Variants in CPPED1 observed in about 807,000 individuals in gnomAD.
CPPED1 encodes serine/threonine-protein phosphatase CPPED1.
In CPPED1, 28 loss-of-function variants were observed where a neutral mutation model predicts 28.0. The ratio of observed to expected loss-of-function variants is 1.00; its 90% confidence interval spans 0.74 to 1.37. The LOEUF (loss-of-function observed/expected upper bound fraction) is 1.37, where lower values mean the gene tolerates loss of function less well. Ranked by LOEUF, CPPED1 falls within the 40% of genes most tolerant of loss-of-function variation. The probability of loss-of-function intolerance (pLI) is 0.00; values close to 1 mark genes in which losing one functional copy is unlikely to be tolerated. For synonymous variants in CPPED1, 198 were observed against 180.2 expected (o/e 1.10, Z -0.79); for missense variants, 504 against 416.5 (o/e 1.21, Z -1.83).
intron 1 of CPPED1, among the ~76,000 whole-genome samples, chr16:12,788,642 C>A (rs2080578356): frequency 6.6e-6 from 1 of 152,260 alleles, no homozygotes; most frequent in African/African-American, 2.4e-5. Flanking sequence ...AAAGACCCAG[C>A]AACTTCTACC....
At chr16:12,756,045 G>A (rs562586351) in intron 2 of CPPED1, among the ~76,000 whole-genome samples, 2 of 152,016 alleles carry the variant, frequency 1.3e-5, no homozygotes, top group East Asian at 3.9e-4. Context: ...GCAGGAGAAT[G>A]GCGTGAACCC....
At chr16:12,694,992 G>C (rs1374704474) in intron 3 of CPPED1, among the ~76,000 whole-genome samples, 2 of 152,002 alleles carry the variant, frequency 1.3e-5, no homozygotes, top group Non-Finnish European at 2.9e-5. Flanking sequence ...TGGCCAGGCT[G>C]GTCTTGAACT....
intron 2 of CPPED1, among the ~76,000 whole-genome samples, chr16:12,773,489 G>A (rs1426204956): frequency 6.6e-6 from 1 of 152,138 alleles, no homozygotes; most frequent in African/African-American, 2.4e-5. Context: ...TTGGGAGGAC[G>A]AGGCAAGCAG....
intron 3 of CPPED1, among the ~76,000 whole-genome samples, chr16:12,684,902 G>C (rs1016232090): frequency 2.0e-5 from 3 of 152,194 alleles, no homozygotes; most frequent in Non-Finnish European, 4.4e-5. Flanking sequence ...CTATACTTTA[G>C]TAGGTATCCT....
chr16:12,680,605 T>C (rs2079899727), intron 3 of CPPED1, among the ~76,000 whole-genome samples: 1 of 152,088 alleles, frequency 6.6e-6, no homozygotes, highest in African/African-American at 2.4e-5. Flanking sequence ...GAAGGAGTCT[T>C]GTCTGCACAG....
intron 2 of CPPED1, 147 bp from the exon 3 acceptor site, chr16:12,705,196 A>T: frequency 1.2e-6 from 1 of 868,250 alleles, no homozygotes; most frequent in Non-Finnish European, 1.7e-6. Flanking sequence ...AAATGCAGTC[A>T]CGTGCTAAAA....
chr16:12,759,539 A>G (rs552003904), intron 2 of CPPED1: 1 of 152,340 alleles, frequency 6.6e-6, no homozygotes, highest in South Asian at 2.1e-4. Flanking sequence ...AGGTGAATAT[A>G]TTCAAGGGGT....
intron 1 of CPPED1, among the ~76,000 whole-genome samples, chr16:12,794,602 A>G (rs973815877): frequency 7.9e-5 from 12 of 152,116 alleles, no homozygotes; most frequent in African/African-American, 2.9e-4. Flanking sequence ...CAGATTTTGG[A>G]ACATTTGCAT....
chr16:12,705,177 G>C, intron 2 of CPPED1, 128 bp from the exon 3 acceptor site: 1 of 1,024,590 alleles, frequency 9.8e-7, no homozygotes, highest in Admixed American at 2.9e-5. Flanking sequence ...CTAGCACATG[G>C]AAACTGCAAA....
chr16:12,687,637 G>A (rs1223950966), intron 3 of CPPED1, among the ~76,000 whole-genome samples: 5 of 152,164 alleles, frequency 3.3e-5, no homozygotes, highest in Non-Finnish European at 5.9e-5. Flanking sequence ...TAGGCGTGGT[G>A]GCGAGCACCT....
chr16:12,800,205 T>TGGGAGGCCGAGGTGCCTGAGGTC (rs2141248777), intron 1 of CPPED1, among the ~76,000 whole-genome samples: 1 of 152,252 alleles, frequency 6.6e-6, no homozygotes, highest in Admixed American at 6.5e-5. Flanking sequence ...CCCAGCACTT[T>TGGGAGGCCGAGGTGCCTGAGGTC]GGGAGGCCGA....
chr16:12,698,082 C>A (rs1454196374), intron 3 of CPPED1, among the ~76,000 whole-genome samples: 1 of 152,134 alleles, frequency 6.6e-6, no homozygotes, highest in Non-Finnish European at 1.5e-5. Flanking sequence ...TGCACTCCAG[C>A]CTGGGTGACA....
intron 3 of CPPED1, among the ~76,000 whole-genome samples, chr16:12,702,113 C>A (rs1012239928): frequency 3.3e-5 from 5 of 152,134 alleles, no homozygotes; most frequent in African/African-American, 1.2e-4. Context: ...ATTGGAGACA[C>A]AGACCAGCTC....
chr16:12,678,537 T>C (rs984803399), intron 3 of CPPED1, among the ~76,000 whole-genome samples: 3 of 152,204 alleles, frequency 2.0e-5, no homozygotes, highest in African/African-American at 7.2e-5. Flanking sequence ...ATGAACATGG[T>C]CTACTTTTCC....
chr16:12,800,845 G>T (rs976507773), intron 1 of CPPED1, among the ~76,000 whole-genome samples: 2 of 151,940 alleles, frequency 1.3e-5, no homozygotes, highest in Non-Finnish European at 2.9e-5. Flanking sequence ...CTCCCTTCGT[G>T]GCCCAGTTAA....
chr16:12,709,110 A>C lies in CPPED1; in HGVS notation c.290-4061T>G, dbSNP rs1366147403. On this transcript the variant is annotated intron_variant, in intron 2 of 3. Coordinates refer to ENST00000381774, the MANE Select transcript of CPPED1 (RefSeq NM_018340.3). The surrounding 1 kb of genome is among the most constrained non-coding windows in gnomAD (Gnocchi z 4.4). The stretch of plus-strand genomic sequence containing the variant: ...ATGTCCCATTATATATGAGAACCCA[A>C]AGCCCAAAGCCAACCTCACCAGCAT... Among the ~76,000 whole-genome samples the C allele has an allele frequency of 6.6e-6, 1 of 152,170 alleles. No homozygotes were observed. Among genetic ancestry groups the C allele is most frequent in the African/African-American group, 2.4e-5 (1 of 41,442 alleles).
rs534700372 is a variant in CPPED1, at chr16:12,693,959, T to C, written c.715+10665A>G. Among the ~76,000 whole-genome samples the C allele has an allele frequency of 1.8e-4, 28 of 152,314 alleles. No individual in the cohort carries two copies. The South Asian group carries it at 5.4e-3, about 29-fold the overall frequency. On this transcript the variant is annotated intron_variant, in intron 3 of 3. Transcript: ENST00000381774. ...TGGCTCATGCCTGTAATCCCAGCAC[T>C]TTAGGAGGGGCTGAGGTGGGCGGGT...
chr16:12,718,560 A>G lies in CPPED1; in HGVS notation c.290-13511T>C, dbSNP rs947204874. On this transcript the variant is annotated intron_variant, in intron 2 of 3. Transcript: ENST00000381774. Reference sequence around the variant, plus strand: ...TCTTAAAAAAAAAAAAAAAAAAAGAAAGAAAAAAAAGGTGTTGATAATACG... The same window carrying G: ...TCTTAAAAAAAAAAAAAAAAAAAGAGAGAAAAAAAAGGTGTTGATAATACG... Among the ~76,000 whole-genome samples, 5 of 151,186 alleles carry G rather than the reference A, an allele frequency of 3.3e-5. No homozygotes were observed. The South Asian group carries it at 1.0e-3, about 32-fold the overall frequency.
At chr16:12,785,746 T>C (rs1332096751) in intron 1 of CPPED1, among the ~76,000 whole-genome samples, 2 of 151,682 alleles carry the variant, frequency 1.3e-5, no homozygotes, top group African/African-American at 2.4e-5. Flanking sequence ...AAGTGACCTC[T>C]TAACAATACT....
Sources: gnomAD v4.1 joint callset for allele counts (sites outside exome capture counted in the v4.1 genomes callset) on GRCh38, gnomAD v4.1.1 for gene constraint, Gnocchi (gnomAD v3.1) non-coding constraint, MANE v1.5 for transcripts, NCBI Gene and HGNC (gene_info 2026-07-23, HGNC 2026-07-21) for gene names.